Variants in LRMDA observed in about 807,000 individuals in gnomAD.
LRMDA encodes the protein leucine rich melanocyte differentiation associated, also known as leucine-rich melanocyte differentiation-associated protein.
LRMDA carries 18 observed loss-of-function variants against 29.8 expected under a neutral mutation model. That is an observed-to-expected ratio of 0.60 (90% CI 0.42 to 0.90). The LOEUF (loss-of-function observed/expected upper bound fraction) is 0.90, where lower values mean the gene tolerates loss of function less well. Among genes scored for constraint, LRMDA ranks in the 40% least tolerant of loss-of-function variants. The pLI is 0.00. For missense variants in LRMDA, 273 were observed against 273.9 expected (o/e 1.00, Z 0.02); for synonymous variants, 125 against 109.4 (o/e 1.14, Z -0.89).
intron 2 of LRMDA, among the ~76,000 whole-genome samples, chr10:75,745,969 G>C (rs1005209471): frequency 7.9e-5 from 12 of 152,190 alleles, no homozygotes; most frequent in Admixed American, 6.5e-5. Context: ...ATTATCTCAA[G>C]GGGTACATGA....
chr10:76,161,626 A>G (rs543283948), intron 5 of LRMDA, among the ~76,000 whole-genome samples: 5 of 152,320 alleles, frequency 3.3e-5, no homozygotes, highest in African/African-American at 1.2e-4. Flanking sequence ...ACAGCCCAAG[A>G]TAGTCAGACT....
chr10:76,128,292 G>A (rs1372607030), intron 5 of LRMDA, among the ~76,000 whole-genome samples: 4 of 152,192 alleles, frequency 2.6e-5, no homozygotes, highest in Non-Finnish European at 5.9e-5. Context: ...CAAGTCCGCC[G>A]CAGTGTTCCT....
intron 2 of LRMDA, among the ~76,000 whole-genome samples, chr10:76,008,307 T>C (rs1324933641): frequency 6.6e-6 from 1 of 152,104 alleles, no homozygotes; most frequent in African/African-American, 2.4e-5. Context: ...GTAGACTGAA[T>C]AAAATAGCTT....
intron 5 of LRMDA, among the ~76,000 whole-genome samples, chr10:76,316,170 G>T (rs563840005): frequency 1.1e-4 from 17 of 152,168 alleles, no homozygotes; most frequent in African/African-American, 4.1e-4. Context: ...CCTTCAGGGA[G>T]CCCAGACCTA....
At chr10:76,490,557 C>A (rs909879509) in intron 6 of LRMDA, among the ~76,000 whole-genome samples, 2 of 151,860 alleles carry the variant, frequency 1.3e-5, no homozygotes, top group South Asian at 2.1e-4. Context: ...TTCCTATAGT[C>A]TTTGTCTTGA....
intron 2 of LRMDA, among the ~76,000 whole-genome samples, chr10:75,608,848 G>A (rs1840993091): frequency 6.6e-6 from 1 of 152,108 alleles, no homozygotes; most frequent in African/African-American, 2.4e-5. Flanking sequence ...TTCTTCCAAA[G>A]AATCCCTTTT....
chr10:76,124,268 A>G (rs894701619), intron 5 of LRMDA, among the ~76,000 whole-genome samples: 1 of 152,208 alleles, frequency 6.6e-6, no homozygotes, highest in Non-Finnish European at 1.5e-5. Flanking sequence ...ATGACCCAGA[A>G]TTCATTTGCT....
chr10:75,792,385 C>G (rs1843584053), intron 2 of LRMDA, among the ~76,000 whole-genome samples: 1 of 152,238 alleles, frequency 6.6e-6, no homozygotes, highest in East Asian at 1.9e-4. Flanking sequence ...CTGCCTCAGC[C>G]TCCTGAGTAG....
At chr10:75,943,474 G>A (rs1381729588) in intron 2 of LRMDA, among the ~76,000 whole-genome samples, 1 of 152,142 alleles carries the variant, frequency 6.6e-6, no homozygotes, top group East Asian at 1.9e-4. Flanking sequence ...CAAAACTCAT[G>A]CTCTTAACTG....
intron 2 of LRMDA, among the ~76,000 whole-genome samples, chr10:75,932,594 A>T (rs966052385): frequency 1.2e-4 from 19 of 152,204 alleles, no homozygotes; most frequent in Non-Finnish European, 1.9e-4. Context: ...CCTGGGCAAT[A>T]GAGTGAGACT....
Position 76,300,228 on chromosome 10 carries a change from T to C in LRMDA, c.517-24173T>C, listed in dbSNP as rs1284378564. 2.0e-5 allele frequency among the ~76,000 whole-genome samples: 3 copies of C among 152,206 alleles called. No homozygotes were observed. The East Asian group carries it at 5.8e-4, about 29-fold the overall frequency. The stretch of plus-strand genomic sequence containing the variant: ...CATTAAAAATAGACTGTGAGATCTG[T>C]AGTCATCAAAGGTGGGATTGCCACT... On this transcript the variant is annotated intron_variant, in intron 5 of 6. Transcript: ENST00000611255.
chr10:75,898,170 A>G (rs1845615127), intron 2 of LRMDA, among the ~76,000 whole-genome samples: 1 of 152,324 alleles, frequency 6.6e-6, no homozygotes, highest in African/African-American at 2.4e-5. Context: ...ATCTTGGACC[A>G]TGATAAACCA....
At chr10:75,925,963 A>G (rs1846113741) in intron 2 of LRMDA, among the ~76,000 whole-genome samples, 2 of 152,172 alleles carry the variant, frequency 1.3e-5, no homozygotes, top group Admixed American at 6.5e-5. Context: ...AACTCTAGGG[A>G]TAGGTTCTAT....
intron 6 of LRMDA, 122 bp downstream of exon 6, chr10:76,324,607 T>G (rs184988607): frequency 2.1e-5 from 17 of 815,360 alleles, no homozygotes; most frequent in Middle Eastern, 2.3e-4. Flanking sequence ...TTTAAGTCCT[T>G]GATGAGAAAA....
intron 6 of LRMDA, among the ~76,000 whole-genome samples, chr10:76,475,370 T>C (rs2579726): frequency 0.99 from 150,550 of 152,032 alleles, 74,574 homozygotes; most frequent in Middle Eastern, 1. Context: ...TAAGAAAAGA[T>C]GAATACAGGA....
intron 2 of LRMDA, among the ~76,000 whole-genome samples, chr10:75,611,271 G>A (rs2132099299): frequency 6.6e-6 from 1 of 152,336 alleles, no homozygotes; most frequent in Admixed American, 6.5e-5. Context: ...GCATGGGCTT[G>A]TAAAGTCGAT....
At chr10:75,691,818 C>G (rs937596166) in intron 2 of LRMDA, among the ~76,000 whole-genome samples, 1 of 152,294 alleles carries the variant, frequency 6.6e-6, no homozygotes, top group East Asian at 1.9e-4. Context: ...CATCCTCCCT[C>G]CATTGCTCCT....
chr10:75,928,042 ACATCATCATCATCATCATCATCATCAT>A, intron 2 of LRMDA, among the ~76,000 whole-genome samples: 1 of 150,836 alleles, frequency 6.6e-6, no homozygotes, highest in South Asian at 2.1e-4. Context: ...TTTTAGTTTA[ACATCATCATCATCATCATCATCATCAT>A]CATCATCATC....
At chr10:75,435,565 A>C (rs1438348293) in intron 1 of LRMDA, among the ~76,000 whole-genome samples, 1 of 152,200 alleles carries the variant, frequency 6.6e-6, no homozygotes, top group Non-Finnish European at 1.5e-5. Context: ...TCTCATGCTA[A>C]ACTTTTGAGA....
Sources: allele counts gnomAD v4.1 joint callset (sites outside exome capture counted in the v4.1 genomes callset), GRCh38; gene constraint gnomAD v4.1.1; transcripts MANE v1.5; gene names NCBI Gene and HGNC (gene_info 2026-07-23, HGNC 2026-07-21).